Variants in KSR1 observed in about 807,000 individuals in gnomAD.
KSR1 encodes the protein kinase suppressor of ras.
KSR1 carries 35 observed loss-of-function variants against 92.9 expected under a neutral mutation model. The observed-to-expected ratio is 0.38, with a 90% confidence interval of 0.29 to 0.50. The LOEUF (loss-of-function observed/expected upper bound fraction) is 0.50. KSR1 is among the 20% of genes least tolerant of loss of function. The pLI is 0.94. For synonymous variants in KSR1, 467 were observed against 472.6 expected, an observed-to-expected ratio of 0.99 and a Z score of 0.15; for missense variants, 972 against 1,158.5, an observed-to-expected ratio of 0.84 and a Z score of 2.34.
At chr17:27,590,962 C>T in intron 7 of KSR1, 68 bp downstream of exon 7, 6 of 1,302,592 alleles carry the variant, frequency 4.6e-6, no homozygotes, top group Non-Finnish European at 6.5e-6. Context: ...ATGCGCTTCC[C>T]TATGCTTGCT....
rs949532180 is a variant in KSR1, at chr17:27,553,156, G to T, written c.372+2448G>T. On this transcript the variant is annotated intron_variant, in intron 2 of 20. Coordinates refer to ENST00000644974, the MANE Select transcript of KSR1 (RefSeq NM_001394583.1). ...CTTCAGTCTCCTCCTCTTGTGAAAT[G>T]GGAATAACCCATGTGCTGCTTGCTG... is the stretch of plus-strand genomic sequence containing the variant. Among the ~76,000 whole-genome samples the T allele has an allele frequency of 3.3e-5, 5 of 152,188 alleles. No individual in the cohort carries two copies. In the South Asian group the frequency reaches 1.0e-3, roughly 32 times the overall value.
chr17:27,504,678 C>G (rs910319201), intron 1 of KSR1, among the ~76,000 whole-genome samples: 4 of 152,158 alleles, frequency 2.6e-5, no homozygotes, highest in African/African-American at 4.8e-5. Flanking sequence ...GGGATGCCTT[C>G]CCTGAGAGGA....
In KSR1 at chr17:27,621,295, C is replaced by T. The variant is rs997189070; in HGVS notation, c.2708+22C>T. 2.6e-4 allele frequency: 104 copies of T among 398,598 alleles called. 1 individual carries two copies. Among genetic ancestry groups the T allele is most frequent in the African/African-American group, 1.4e-3 (69 of 48,646 alleles). 24.7% of individuals were successfully genotyped at this position (398,598 alleles called of 1,614,324 possible). On this transcript the variant is annotated intron_variant, in intron 20 of 20. Transcript: ENST00000644974. ...AATAGTGTGTTCCTGTTACTTCCTT[C>T]GCTGGCTGCCTGTCTCTGGTTTTCC...
chr17:27,544,985 G>A (rs2071108876), intron 1 of KSR1, among the ~76,000 whole-genome samples: 1 of 152,258 alleles, frequency 6.6e-6, no homozygotes, highest in South Asian at 2.1e-4. Context: ...ACCCAAATCT[G>A]TAGAGGTTGT....
At chr17:27,542,588 A>G (rs2071006084) in intron 1 of KSR1, among the ~76,000 whole-genome samples, 3 of 152,170 alleles carry the variant, frequency 2.0e-5, no homozygotes, top group Admixed American at 1.3e-4. Context: ...GGTGGAGCTG[A>G]CTTTGTTTGC....
intron 2 of KSR1, among the ~76,000 whole-genome samples, chr17:27,553,174 G>T (rs537545273): frequency 3.9e-5 from 6 of 152,318 alleles, no homozygotes; most frequent in Admixed American, 1.3e-4. Flanking sequence ...CCCATGTGCT[G>T]CTTGCTGGCA....
At chr17:27,600,090 CTTTTTTTTTTTT>C (rs552526373) in intron 10 of KSR1, among the ~76,000 whole-genome samples, 2 of 115,332 alleles carry the variant, frequency 1.7e-5, no homozygotes, top group African/African-American at 3.2e-5. Context: ...TTACAGATAA[CTTTTTTTTTTTT>C]TTTTTTTTTT....
At chr17:27,603,506 C>A (rs1037136869) in intron 11 of KSR1, among the ~76,000 whole-genome samples, 3 of 152,246 alleles carry the variant, frequency 2.0e-5, no homozygotes, top group Non-Finnish European at 2.9e-5. Context: ...TTACCACTTG[C>A]TTGGTGGGGG....
intron 1 of KSR1, among the ~76,000 whole-genome samples, chr17:27,519,486 T>C (rs1378689200): frequency 2.0e-5 from 3 of 152,188 alleles, no homozygotes; most frequent in African/African-American, 4.8e-5. Context: ...GATTCTATCA[T>C]GTCGGCATAG....
intron 2 of KSR1, among the ~76,000 whole-genome samples, chr17:27,552,294 G>T (rs1246129004): frequency 6.6e-6 from 1 of 152,166 alleles, no homozygotes; most frequent in Non-Finnish European, 1.5e-5. Context: ...TTGCTGTTTG[G>T]GTTTGTTTGC....
At chr17:27,538,166 A>T (rs1236270269) in intron 1 of KSR1, among the ~76,000 whole-genome samples, 2 of 152,238 alleles carry the variant, frequency 1.3e-5, no homozygotes, top group African/African-American at 4.8e-5. Flanking sequence ...TAGCGGTAGA[A>T]GGAGGTTTGG....
intron 1 of KSR1, among the ~76,000 whole-genome samples, chr17:27,515,814 C>T (rs2151010798): frequency 6.6e-6 from 1 of 152,058 alleles, no homozygotes; most frequent in South Asian, 2.1e-4. Flanking sequence ...CATAGACTCT[C>T]CTCTAGGTTA....
chr17:27,604,170 G>C (rs1327388010), intron 12 of KSR1, among the ~76,000 whole-genome samples: 1 of 152,188 alleles, frequency 6.6e-6, no homozygotes, highest in African/African-American at 2.4e-5. Flanking sequence ...CCTAAGAATA[G>C]CTCCTGTGCA....
At chr17:27,549,230 C>G (rs2071301857) in intron 1 of KSR1, among the ~76,000 whole-genome samples, 1 of 152,132 alleles carries the variant, frequency 6.6e-6, no homozygotes, top group South Asian at 2.1e-4. Flanking sequence ...GAAGGTGGTA[C>G]TTATTTTGGG....
intron 1 of KSR1, among the ~76,000 whole-genome samples, chr17:27,512,981 A>G (rs187949815): frequency 1.7e-4 from 26 of 152,206 alleles, no homozygotes; most frequent in African/African-American, 6.3e-4. Flanking sequence ...CACGCACAAC[A>G]TTAGCTTGAC....
At chr17:27,563,981 CTTTT>C (rs200904358) in intron 2 of KSR1, among the ~76,000 whole-genome samples, 8 of 46,892 alleles carry the variant, frequency 1.7e-4, no homozygotes, top group Admixed American at 3.3e-4. Context: ...TATTCGGTAG[CTTTT>C]TTTTTTTTTT....
chr17:27,471,315 T>C (rs2019988582), intron 1 of KSR1, among the ~76,000 whole-genome samples: 1 of 152,168 alleles, frequency 6.6e-6, no homozygotes, highest in Non-Finnish European at 1.5e-5. Context: ...ACAGACGTGC[T>C]CTCAGAAGAA....
At chr17:27,515,031 A>G (rs553933435) in intron 1 of KSR1, among the ~76,000 whole-genome samples, 14 of 152,284 alleles carry the variant, frequency 9.2e-5, no homozygotes, top group African/African-American at 3.4e-4. Flanking sequence ...TGTTATTTGA[A>G]CAAAATCAGG....
Position 27,611,486 on chromosome 17 carries a change from C to T in KSR1, c.2358-8C>T, listed in dbSNP as rs1409529302. ...CAGGAGCTCACAGACATGGCTGGGTCTCTGCAGGACTGTTTGGTATGAGCT... is the reference window on the plus strand; with the variant it reads ...CAGGAGCTCACAGACATGGCTGGGTTTCTGCAGGACTGTTTGGTATGAGCT... On this transcript the variant is annotated splice_region_variant and splice_polypyrimidine_tract_variant and intron_variant, in intron 17 of 20. Transcript: ENST00000644974. The T allele has an allele frequency of 1.2e-6, 2 of 1,613,650 alleles. No individual in the cohort carries two copies. Among genetic ancestry groups the T allele is most frequent in the Admixed American group, 3.3e-5 (2 of 60,014 alleles).
Sources: allele counts gnomAD v4.1 joint callset (sites outside exome capture counted in the v4.1 genomes callset), GRCh38; gene constraint gnomAD v4.1.1; transcripts MANE v1.5; gene names NCBI Gene and HGNC (gene_info 2026-07-23, HGNC 2026-07-21).